Variants in ZNF678 observed in about 807,000 individuals in gnomAD.
ZNF678 encodes hypothetical protein MGC42493.
Under a neutral mutation model 3.0 loss-of-function variants are expected in ZNF678, and 5 were observed. The ratio of observed to expected loss-of-function variants is 1.69; its 90% CI spans 0.88 to 3.56. The LOEUF is 3.56. ZNF678 is among the 30% of genes most tolerant of loss of function. ZNF678 has a pLI of 0.00. For synonymous variants in ZNF678, 218 were observed against 199.6 expected (o/e 1.09, Z -0.78); for missense variants, 593 against 605.0 (o/e 0.98, Z 0.21).
At chr1:227,632,441 G>A (rs57057216) in intron 1 of ZNF678, among the ~76,000 whole-genome samples, 1,999 of 152,236 alleles carry the variant, frequency 0.013, 48 homozygotes, top group African/African-American at 0.046. Context: ...ACATGCATGG[G>A]CGACTGTTGA....
chr1:227,675,634 A>G (rs574605121), intron 5 of ZNF678, among the ~76,000 whole-genome samples: 34 of 151,878 alleles, frequency 2.2e-4, no homozygotes, highest in African/African-American at 8.0e-4. Flanking sequence ...TTCACTTAAA[A>G]TACATTTTTT....
intron 1 of ZNF678, among the ~76,000 whole-genome samples, chr1:227,612,092 T>C (rs1005247505): frequency 1.3e-5 from 2 of 152,230 alleles, no homozygotes; most frequent in African/African-American, 4.8e-5. Context: ...ATTGCACTGC[T>C]GCAGCAGGGG....
intron 1 of ZNF678, among the ~76,000 whole-genome samples, chr1:227,635,846 G>A (rs1658665207): frequency 6.6e-6 from 1 of 152,036 alleles, no homozygotes; most frequent in Non-Finnish European, 1.5e-5. Flanking sequence ...GAAGGGAGGA[G>A]TTATTCATCT....
downstream of ZNF678, among the ~76,000 whole-genome samples, chr1:227,665,206 T>G (rs1339832719): frequency 2.6e-5 from 4 of 152,210 alleles, no homozygotes; most frequent in Admixed American, 1.3e-4. Flanking sequence ...CAAACAGGCC[T>G]GGGCCCAGCA....
chr1:227,567,924 A>G (rs762956251), intron 1 of ZNF678, among the ~76,000 whole-genome samples: 5 of 152,202 alleles, frequency 3.3e-5, no homozygotes, highest in Non-Finnish European at 5.9e-5. Context: ...AATGTTAGGC[A>G]GAAAAGGGCT....
chr1:227,635,124 TAAGTG>T (rs1658641996), intron 1 of ZNF678, among the ~76,000 whole-genome samples: 1 of 152,108 alleles, frequency 6.6e-6, no homozygotes, highest in Non-Finnish European at 1.5e-5. Flanking sequence ...GTTGAATACG[TAAGTG>T]AAGAGATTAT....
intron 1 of ZNF678, among the ~76,000 whole-genome samples, chr1:227,639,525 G>A (rs991688610): frequency 3.3e-5 from 5 of 152,208 alleles, no homozygotes; most frequent in Non-Finnish European, 7.3e-5. Context: ...TTGGGTCTAG[G>A]TTGGTATATT....
chr1:227,643,863 C>CTTTTTTTTTT (rs554280668), intron 1 of ZNF678, among the ~76,000 whole-genome samples: 262 of 115,308 alleles, frequency 2.3e-3, no homozygotes, highest in Non-Finnish European at 3.0e-3. Flanking sequence ...CTTTTCTTTT[C>CTTTTTTTTTT]TTTTTTTTTT....
chr1:227,591,005 A>T (rs915073811), intron 1 of ZNF678, among the ~76,000 whole-genome samples: 3 of 151,714 alleles, frequency 2.0e-5, no homozygotes, highest in African/African-American at 7.3e-5. Context: ...CGGGCTTCCT[A>T]TGGCCATTGA....
Position 227,675,792 on chromosome 1 carries a change from G to A in ZNF678, c.227-1387G>A, listed in dbSNP as rs1659669206. Among the ~76,000 whole-genome samples, 4 of 152,136 alleles carry A rather than the reference G, an allele frequency of 2.6e-5. 1 individual carries two copies. Among genetic ancestry groups the A allele is most frequent in the Admixed American group, 2.6e-4 (4 of 15,276 alleles). On this transcript the variant is annotated intron_variant, in intron 5 of 5. Coordinates refer to the ZNF678 transcript ENST00000608949. ...AAGTGAACAACAATCATCTAAACTTGTAAAAAAGTAATTGTAACTCTCAGG... is the reference window on the plus strand; with the variant it reads ...AAGTGAACAACAATCATCTAAACTTATAAAAAAGTAATTGTAACTCTCAGG...
chr1:227,672,758 A>G (rs1446023136), intron 5 of ZNF678, among the ~76,000 whole-genome samples: 1 of 152,012 alleles, frequency 6.6e-6, no homozygotes, highest in Admixed American at 6.6e-5. Flanking sequence ...GCTCTACCTC[A>G]CAGGACTAGC....
chr1:227,571,202 T>C (rs568290249), intron 1 of ZNF678, among the ~76,000 whole-genome samples: 2 of 152,358 alleles, frequency 1.3e-5, no homozygotes, highest in South Asian at 4.1e-4. Context: ...TTATTAATTA[T>C]TGTAGCACAT....
At chr1:227,581,391 G>C (rs1208696987) in intron 1 of ZNF678, among the ~76,000 whole-genome samples, 1 of 151,814 alleles carries the variant, frequency 6.6e-6, no homozygotes, top group African/African-American at 2.4e-5. Context: ...AAGAAAGAAA[G>C]GAAAAATTAA....
chr1:227,620,538 T>TA (rs1215453492), intron 1 of ZNF678, among the ~76,000 whole-genome samples: 2 of 152,308 alleles, frequency 1.3e-5, no homozygotes, highest in East Asian at 3.9e-4. Context: ...AGGCACAAAA[T>TA]ATACTTGTAA....
chr1:227,673,407 ATT>A (rs1659632958), intron 5 of ZNF678, among the ~76,000 whole-genome samples: 1 of 152,174 alleles, frequency 6.6e-6, no homozygotes, highest in Non-Finnish European at 1.5e-5. Context: ...CTTCCTTTGC[ATT>A]TATGGTTTGA....
At chr1:227,608,752 C>T (rs2935150) in intron 1 of ZNF678, among the ~76,000 whole-genome samples, 2,123 of 152,016 alleles carry the variant, frequency 0.014, 50 homozygotes, top group African/African-American at 0.048. Context: ...TTAAAATGCC[C>T]GGTAGAGTTG....
intron 1 of ZNF678, among the ~76,000 whole-genome samples, chr1:227,611,272 C>T (rs1041037906): frequency 6.6e-6 from 1 of 152,074 alleles, no homozygotes; most frequent in Non-Finnish European, 1.5e-5. Flanking sequence ...AAAATTGACC[C>T]TTACGTTGAG....
intron 1 of ZNF678, among the ~76,000 whole-genome samples, chr1:227,627,693 TCTC>T (rs1658450710): frequency 6.6e-6 from 1 of 152,170 alleles, no homozygotes; most frequent in South Asian, 2.1e-4. Context: ...TCCTTTTCCT[TCTC>T]CTGTGTTCTA....
chr1:227,672,614 A>G (rs1659620312), intron 5 of ZNF678, among the ~76,000 whole-genome samples: 1 of 152,046 alleles, frequency 6.6e-6, no homozygotes, highest in Non-Finnish European at 1.5e-5. Context: ...CAGCTAGGAA[A>G]AGCCTACTTT....
Sources: allele counts gnomAD v4.1 joint callset (sites outside exome capture counted in the v4.1 genomes callset), GRCh38; gene constraint gnomAD v4.1.1; transcripts MANE v1.5; gene names NCBI Gene and HGNC (gene_info 2026-07-23, HGNC 2026-07-21).